Variants in MXI1 observed in about 807,000 individuals in gnomAD.
MXI1 encodes the protein MAX interactor 1, dimerization protein.
A neutral mutation model predicts 36.9 loss-of-function variants in MXI1; 18 were observed. The observed-to-expected ratio is 0.49, with a 90% CI of 0.34 to 0.72. The LOEUF is 0.72. Among genes scored for constraint, MXI1 ranks in the 30% least tolerant of loss-of-function variants. The probability of loss-of-function intolerance (pLI) is 0.01; values close to 1 mark genes in which losing one functional copy is unlikely to be tolerated. For synonymous variants in MXI1, 160 were observed against 146.7 expected (o/e 1.09, Z -0.65); for missense variants, 304 against 379.1 (o/e 0.80, Z 1.64).
At chr10:110,257,480 T>C (rs942632711) in intron 3 of MXI1, 3 of 152,238 alleles carry the variant, frequency 2.0e-5, no homozygotes, top group Admixed American at 1.3e-4. Flanking sequence ...GGCAATTTTC[T>C]TTCTATTTTT....
In MXI1 at chr10:110,226,092, C is replaced by G. The variant is rs1281684244; in HGVS notation, c.275-2097C>G. The stretch of plus-strand genomic sequence containing the variant: ...GAGAGCGCGCCGAGCCGCGGCCGAG[C>G]TGGCCCGCCCGCCCGTCGCACATGT... On this transcript the variant is annotated intron_variant, in intron 1 of 5. Coordinates refer to ENST00000332674, the MANE Select transcript of MXI1 (RefSeq NM_130439.3). The G allele has an allele frequency of 8.0e-6, 9 of 1,119,380 alleles. No homozygotes were observed. In the Admixed American group the frequency reaches 1.5e-4, roughly 19 times the overall value. 69.3% of individuals were successfully genotyped at this position (1,119,380 alleles called of 1,614,324 possible).
chr10:110,218,387 T>C (rs1244977568), intron 1 of MXI1, among the ~76,000 whole-genome samples: 2 of 150,698 alleles, frequency 1.3e-5, no homozygotes, highest in Non-Finnish European at 3.0e-5. Flanking sequence ...GAGGCGGTGC[T>C]TGCAGTGAGC....
At position 110,248,122 on chromosome 10, in the gene MXI1, A is replaced by G. The variant is rs1006586885; in HGVS notation, c.437+3265A>G. The stretch of plus-strand genomic sequence containing the variant: ...AAAAACACAAACACTGCGTGTTCTC[A>G]CTCATAGGTGGGAATTGAACAATGA... On this transcript the variant is annotated intron_variant, in intron 3 of 5. Coordinates refer to ENST00000332674, the MANE Select transcript of MXI1 (RefSeq NM_130439.3). Among the ~76,000 whole-genome samples, 7 of 152,262 alleles carry G rather than the reference A, an allele frequency of 4.6e-5. No individual in the cohort carries two copies. The South Asian group carries it at 1.5e-3, about 32-fold the overall frequency.
rs1855460692 is a variant in MXI1 at position 110,236,121 on chromosome 10, GTTCTTTT to G, written c.407+7803_407+7809del. Reference sequence around the variant, plus strand: ...TAGAGGGTGTGAAGTAAAGGTTGAAGTTCTTTTTTTTTTTTTTTTTTTTTTTTTTTTT... The same window carrying G: ...TAGAGGGTGTGAAGTAAAGGTTGAAGTTTTTTTTTTTTTTTTTTTTTTTTT... On this transcript the variant is annotated intron_variant, in intron 2 of 5. Coordinates refer to ENST00000332674, the MANE Select transcript of MXI1 (RefSeq NM_130439.3). 1.2e-4 allele frequency among the ~76,000 whole-genome samples: 8 copies of G among 67,926 alleles called. No homozygotes were observed. In the East Asian group the frequency reaches 1.9e-3, roughly 16 times the overall value. The allele number at this position is 67,926 out of a possible 152,430, so 44.6% of individuals were successfully genotyped here.
chr10:110,242,819 TTAGA>T, intron 2 of MXI1, among the ~76,000 whole-genome samples: 1 of 151,956 alleles, frequency 6.6e-6, no homozygotes, highest in Non-Finnish European at 1.5e-5. Flanking sequence ...GCCAGACTGT[TTAGA>T]ATAAGTTTAT....
At chr10:110,228,079 C>T (rs1855125708) in intron 1 of MXI1, 110 bp from the exon 2 acceptor site, 2 of 1,227,580 alleles carry the variant, frequency 1.6e-6, no homozygotes, top group Non-Finnish European at 2.3e-6. Flanking sequence ...AACATTTTAC[C>T]TCTTTTCCTG....
chr10:110,277,001 A>G (rs902871561), intron 3 of MXI1, among the ~76,000 whole-genome samples: 5 of 152,062 alleles, frequency 3.3e-5, no homozygotes, highest in African/African-American at 1.2e-4. Context: ...GTGCACCACC[A>G]TGCGCAGCTA....
intron 3 of MXI1, among the ~76,000 whole-genome samples, chr10:110,247,036 TG>T (rs1855892549): frequency 6.6e-6 from 1 of 152,168 alleles, no homozygotes; most frequent in Admixed American, 6.6e-5. Context: ...ATGTGGTCCT[TG>T]GGAGACCTTC....
intron 1 of MXI1, among the ~76,000 whole-genome samples, chr10:110,223,996 A>G (rs1304751779): frequency 6.6e-6 from 1 of 152,096 alleles, no homozygotes; most frequent in Non-Finnish European, 1.5e-5. Flanking sequence ...TTTACCAAAA[A>G]AAAAGAAAAG....
chr10:110,264,459 G>A (rs1293298791), intron 3 of MXI1, among the ~76,000 whole-genome samples: 2 of 150,550 alleles, frequency 1.3e-5, no homozygotes, highest in Non-Finnish European at 2.9e-5. Context: ...TCCGCCTCCC[G>A]GGTTTAAACG....
chr10:110,264,807 A>G (rs1192756991), intron 3 of MXI1, among the ~76,000 whole-genome samples: 1 of 152,212 alleles, frequency 6.6e-6, no homozygotes, highest in Admixed American at 6.5e-5. Flanking sequence ...ATTTGCCATA[A>G]TAAAATTCCA....
At chr10:110,220,464 G>A (rs140435628) in intron 1 of MXI1, among the ~76,000 whole-genome samples, 300 of 152,324 alleles carry the variant, frequency 2.0e-3, no homozygotes, top group African/African-American at 7.1e-3. Flanking sequence ...CTGAGAGAAC[G>A]CAGATACAAG....
intron 2 of MXI1, 42 bp downstream of exon 2, chr10:110,228,363 G>C: frequency 2.5e-6 from 4 of 1,611,560 alleles, no homozygotes; most frequent in Non-Finnish European, 3.4e-6. Context: ...CTGGAGGGAA[G>C]GAGCACATTT....
chr10:110,218,215 C>G (rs1854704254), intron 1 of MXI1, among the ~76,000 whole-genome samples: 1 of 152,082 alleles, frequency 6.6e-6, no homozygotes, highest in Admixed American at 6.5e-5. Context: ...CTTTGGGAGG[C>G]CGAGGTGGGC....
intron 5 of MXI1, among the ~76,000 whole-genome samples, chr10:110,280,483 A>T (rs1049137588): frequency 6.6e-6 from 1 of 151,882 alleles, no homozygotes; most frequent in Non-Finnish European, 1.5e-5. Context: ...GATCGAGGCC[A>T]TCCTGGCTAA....
At chr10:110,256,079 G>A (rs1394019012) in intron 3 of MXI1, among the ~76,000 whole-genome samples, 1 of 152,110 alleles carries the variant, frequency 6.6e-6, no homozygotes, top group Non-Finnish European at 1.5e-5. Context: ...TCAACAAATA[G>A]AGCGGACACA....
intron 2 of MXI1, among the ~76,000 whole-genome samples, chr10:110,241,688 T>C (rs1227779796): frequency 6.6e-6 from 1 of 152,028 alleles, no homozygotes; most frequent in East Asian, 1.9e-4. Flanking sequence ...ATTTCCAGGC[T>C]AATTCAAAGT....
intron 3 of MXI1, among the ~76,000 whole-genome samples, chr10:110,267,236 C>T (rs1318447969): frequency 6.6e-6 from 1 of 152,192 alleles, no homozygotes; most frequent in Non-Finnish European, 1.5e-5. Flanking sequence ...TGGGGACTTA[C>T]TACCCCAATA....
At position 110,286,350 on chromosome 10, in the gene MXI1, G is replaced by C. The variant is rs1857424648; in HGVS notation, c.*1363G>C. ...AAGTGAAATTTCTAGCCTGCACTTT[G>C]ATGTCATGTGTTCCCTTTGTCTTTC... On this transcript the variant is annotated 3_prime_UTR_variant, in exon 6 of 6. Coordinates refer to ENST00000332674, the MANE Select transcript of MXI1 (RefSeq NM_130439.3). 1 of 152,554 alleles carries C rather than the reference G, an allele frequency of 6.6e-6. No homozygotes were observed. The highest frequency in any genetic ancestry group is 1.9e-4 in the East Asian group (1 of 5,194). 9.5% of individuals were successfully genotyped at this position (152,554 alleles called of 1,614,324 possible). A position where few individuals can be genotyped will look rare whatever the true frequency, so the allele number is the denominator to read the frequency against.
Sources: allele counts gnomAD v4.1 joint callset (sites outside exome capture counted in the v4.1 genomes callset), GRCh38; gene constraint gnomAD v4.1.1; transcripts MANE v1.5; gene names NCBI Gene and HGNC (gene_info 2026-07-23, HGNC 2026-07-21).